The following PLS3 variants were observed in gnomAD, a reference collection of about 807,000 sequenced individuals.
PLS3 encodes plastin-3.
PLS3 carries 11 observed loss-of-function variants against 46.5 expected under a neutral mutation model. That is an observed-to-expected ratio of 0.24 (90% CI 0.15 to 0.39). The LOEUF (loss-of-function observed/expected upper bound fraction) is 0.39, where lower values mean the gene tolerates loss of function less well. Ranked by LOEUF, PLS3 falls within the 10% of genes least tolerant of loss-of-function variation. PLS3 has a pLI of 1.00. For missense variants in PLS3, 308 were observed against 461.8 expected (o/e 0.67, Z 3.05); for synonymous variants, 167 against 162.2 (o/e 1.03, Z -0.22).
chrX:115,587,595 C>T (rs781804289), intron 1 of PLS3, among the ~76,000 whole-genome samples: 116 of 111,013 alleles, frequency 1.0e-3, no homozygotes, highest in African/African-American at 3.6e-3. Context: ...ATTAGCTGGG[C>T]GTGGTGGCGG....
chrX:115,615,270 T>A (rs782772894), intron 2 of PLS3, among the ~76,000 whole-genome samples: 2 of 110,749 alleles, frequency 1.8e-5, no homozygotes, highest in Non-Finnish European at 3.8e-5. Context: ...AATAACAGGA[T>A]GCAAGGGGAG....
At chrX:115,589,843 T>G (rs2074333378) in intron 1 of PLS3, among the ~76,000 whole-genome samples, 1 of 111,817 alleles carries the variant, frequency 8.9e-6, no homozygotes, top group Non-Finnish European at 1.9e-5. Flanking sequence ...TGTCCACAAG[T>G]GCATGTGTGT....
chrX:115,562,052 C>G (rs2074140538), intron 1 of PLS3, among the ~76,000 whole-genome samples: 2 of 110,350 alleles, frequency 1.8e-5, no homozygotes, highest in South Asian at 8.0e-4. Context: ...GGCGCGCGGT[C>G]GGGGCGGCGG....
chrX:115,630,181 C>T (rs1489952002), intron 5 of PLS3, among the ~76,000 whole-genome samples: 2 of 111,168 alleles, frequency 1.8e-5, no homozygotes, highest in Admixed American at 9.7e-5. Flanking sequence ...AGCTCTCAGC[C>T]TCCATTTTCT....
At chrX:115,614,521 A>G (rs2074578729) in intron 2 of PLS3, 1 of 750,899 alleles carries the variant, frequency 1.3e-6, no homozygotes, top group African/African-American at 2.3e-5. Flanking sequence ...TGCTGCAGTG[A>G]GCTACCTCAA....
intron 1 of PLS3, among the ~76,000 whole-genome samples, chrX:115,609,029 G>A (rs1556635751): frequency 9.1e-6 from 1 of 109,817 alleles, no homozygotes; most frequent in Non-Finnish European, 1.9e-5. Flanking sequence ...GATCCCAGGA[G>A]TTAGACACCA....
rs1484092879 is a variant in PLS3, at chrX:115,622,992, A to AG, written c.237+587dup. Among the ~76,000 whole-genome samples the AG allele has an allele frequency of 1.2e-4, 13 of 111,169 alleles. 1 individual carries two copies. Among genetic ancestry groups the AG allele is most frequent in the African/African-American group, 4.3e-4 (13 of 30,579 alleles). On this transcript the variant is annotated intron_variant, in intron 3 of 15. Coordinates refer to ENST00000355899, the MANE Select transcript of PLS3 (RefSeq NM_005032.7). The stretch of plus-strand genomic sequence containing the variant: ...GTTTCATCAAATATTCTTCAAGGTT[A>AG]GGGGCTGAGTTTTTAATTCTTTCAC...
At chrX:115,576,903 G>A (rs1449922372) in intron 1 of PLS3, among the ~76,000 whole-genome samples, 3 of 112,640 alleles carry the variant, frequency 2.7e-5, no homozygotes, top group Non-Finnish European at 5.6e-5. Flanking sequence ...GTGTGCCATC[G>A]TTTGAAGAGC....
At chrX:115,598,338 T>C (rs1433426300) in intron 1 of PLS3, among the ~76,000 whole-genome samples, 1 of 107,868 alleles carries the variant, frequency 9.3e-6, no homozygotes. Flanking sequence ...TTTTTGATAA[T>C]GCTGATGTGC....
chrX:115,573,055 T>A lies in PLS3; in HGVS notation c.-9+11795T>A, dbSNP rs2074225921. On this transcript the variant is annotated intron_variant, in intron 1 of 15. Transcript: ENST00000355899. ...TTGCAGTGAGCCGGGATTGCGCCAT[T>A]GCACTCCAGCCTGGGTGACAAGAGT... Among the ~76,000 whole-genome samples, 4 of 93,825 alleles carry A rather than the reference T, an allele frequency of 4.3e-5. No individual in the cohort carries two copies. The Admixed American group carries it at 5.2e-4, about 12-fold the overall frequency. 81.5% of individuals were successfully genotyped at this position (93,825 alleles called of 115,157 possible).
At chrX:115,630,968 CAT>C (rs1302448783) in intron 5 of PLS3, among the ~76,000 whole-genome samples, 2 of 91,277 alleles carry the variant, frequency 2.2e-5, no homozygotes, top group Non-Finnish European at 4.1e-5. Flanking sequence ...ATATATTATA[CAT>C]ATATGTTATA....
At chrX:115,604,997 C>A (rs1556635101) in intron 1 of PLS3, among the ~76,000 whole-genome samples, 2 of 111,786 alleles carry the variant, frequency 1.8e-5, no homozygotes, top group African/African-American at 6.5e-5. Flanking sequence ...CTTCAAATGG[C>A]AAAATGTACA....
At chrX:115,590,182 T>G (rs1311683461) in intron 1 of PLS3, among the ~76,000 whole-genome samples, 3 of 111,725 alleles carry the variant, frequency 2.7e-5, no homozygotes, top group Non-Finnish European at 5.6e-5. Flanking sequence ...CTGTATGGTT[T>G]CTGTTTGTAA....
chrX:115,582,682 A>G (rs2074285637), intron 1 of PLS3, among the ~76,000 whole-genome samples: 1 of 112,525 alleles, frequency 8.9e-6, no homozygotes, highest in Admixed American at 9.4e-5. Flanking sequence ...CATTATGTGT[A>G]GAAAATAGCA....
chrX:115,591,303 C>T (rs1208648751), intron 1 of PLS3, among the ~76,000 whole-genome samples: 1 of 112,111 alleles, frequency 8.9e-6, no homozygotes, highest in East Asian at 2.8e-4. Context: ...GAATTAGTAA[C>T]TCGGTGTTGA....
intron 1 of PLS3, among the ~76,000 whole-genome samples, chrX:115,581,614 G>A (rs1016453064): frequency 2.8e-4 from 31 of 111,922 alleles, no homozygotes; most frequent in African/African-American, 1.0e-3. Flanking sequence ...CTTTCTTTCT[G>A]TCTTGCTTTC....
chrX:115,598,546 A>C (rs1241580142), intron 1 of PLS3, among the ~76,000 whole-genome samples: 1 of 111,862 alleles, frequency 8.9e-6, no homozygotes, highest in African/African-American at 3.2e-5. Context: ...TCCTTTACCA[A>C]GATTCCGTGA....
rs782679633 is a variant in PLS3, at chrX:115,636,405, A to C, written c.749-431A>C. Among the ~76,000 whole-genome samples the C allele has an allele frequency of 1.6e-4, 18 of 110,674 alleles. No homozygotes were observed. The South Asian group carries it at 7.0e-3, about 43-fold the overall frequency. On this transcript the variant is annotated intron_variant, in intron 7 of 15. Coordinates refer to ENST00000355899, the MANE Select transcript of PLS3 (RefSeq NM_005032.7). ...GAATTTTTAGTAGAGATGGGGTTTC[A>C]GCGTGTTAGCCAGGATGGTCTTGAT... is the stretch of plus-strand genomic sequence containing the variant.
chrX:115,599,333 C>G (rs112659450), intron 1 of PLS3, among the ~76,000 whole-genome samples: 1,955 of 69,148 alleles, frequency 0.028, 22 homozygotes, highest in South Asian at 0.047. Flanking sequence ...GATCCTGTCT[C>G]TACAAAAAAA....
Sources: gnomAD v4.1 joint callset for allele counts (sites outside exome capture counted in the v4.1 genomes callset) on GRCh38, gnomAD v4.1.1 for gene constraint, MANE v1.5 for transcripts, NCBI Gene and HGNC (gene_info 2026-07-23, HGNC 2026-07-21) for gene names.